PDE11A: variants seen among roughly 807,000 people sequenced by gnomAD.
PDE11A encodes the protein dual 3',5'-cyclic-AMP and -GMP phosphodiesterase 11A.
In PDE11A, 100 loss-of-function variants were observed where a neutral mutation model predicts 100.5. The ratio of observed to expected loss-of-function variants is 1.00; its 90% CI spans 0.85 to 1.18. The LOEUF (loss-of-function observed/expected upper bound fraction) is 1.18. Ranked by LOEUF, PDE11A falls within the 50% of genes most tolerant of loss-of-function variation. PDE11A has a pLI of 0.00. For missense variants in PDE11A, 1,141 were observed against 1,152.6 expected (o/e 0.99, Z 0.15); for synonymous variants, 381 against 420.8 (o/e 0.91, Z 1.16).
chr2:177,941,085 T>C (rs539966505), intron 2 of PDE11A, among the ~76,000 whole-genome samples: 1 of 152,342 alleles, frequency 6.6e-6, no homozygotes, highest in Admixed American at 6.5e-5. Flanking sequence ...TCAGCTTTCC[T>C]GCCAGCACTC....
At chr2:177,639,989 T>C (rs2080115332) in intron 19 of PDE11A, among the ~76,000 whole-genome samples, 1 of 152,180 alleles carries the variant, frequency 6.6e-6, no homozygotes, top group Non-Finnish European at 1.5e-5. Flanking sequence ...TATTCATTTA[T>C]TAAGAAAAAA....
At position 177,816,847 on chromosome 2, in the gene PDE11A, C is replaced by T. The variant is rs772166903; in HGVS notation, c.1719G>A (p.Lys573=). 6.3e-7 allele frequency: 1 copy of T among 1,597,348 alleles called. No homozygotes were observed. Among genetic ancestry groups the T allele is most frequent in the Non-Finnish European group, 8.6e-7 (1 of 1,164,842 alleles). Residue 573 remains lysine (K), a synonymous_variant, in exon 9 of 20, where the codon AAG becomes AAA. Transcript: ENST00000286063. ...MYDQVKKSWA[K]QSVALDVLSY... ...TACTTACATCAAGAGCCACAGACTG[C>T]TTGGCCCAGGACTTCTTCACTTGAT...
chr2:177,705,518 C>T (rs1433012242), intron 13 of PDE11A, among the ~76,000 whole-genome samples: 1 of 152,104 alleles, frequency 6.6e-6, no homozygotes, highest in Non-Finnish European at 1.5e-5. Flanking sequence ...ATAGGCAGCT[C>T]AATGAGGAGA....
intron 2 of PDE11A, among the ~76,000 whole-genome samples, chr2:178,087,975 G>T (rs773763256): frequency 3.5e-4 from 53 of 152,054 alleles, no homozygotes; most frequent in Non-Finnish European, 6.6e-4. Flanking sequence ...ATTCGAAAAT[G>T]AGAGACCTGG....
chr2:178,077,271 T>C (rs1217865491), upstream of PDE11A, among the ~76,000 whole-genome samples: 1 of 145,788 alleles, frequency 6.9e-6, no homozygotes. Context: ...TTTTTTTTTT[T>C]TTTTTTTTTT....
intron 2 of PDE11A, chr2:177,998,211 G>C: frequency 1.2e-6 from 1 of 836,264 alleles, no homozygotes; most frequent in Non-Finnish European, 2.1e-6. Flanking sequence ...TTCTTCATGA[G>C]TCACATCTTC....
intron 1 of PDE11A, among the ~76,000 whole-genome samples, chr2:178,104,825 T>C (rs751972068): frequency 2.2e-4 from 34 of 152,178 alleles, no homozygotes; most frequent in Non-Finnish European, 4.0e-4. Context: ...TTCTAAAAAG[T>C]GCATGTGCAA....
intron 9 of PDE11A, among the ~76,000 whole-genome samples, chr2:177,803,006 T>C (rs541882260): frequency 1.3e-4 from 20 of 151,980 alleles, no homozygotes; most frequent in African/African-American, 4.1e-4. Context: ...TTTTTTTATA[T>C]AGTAAGAAAT....
At chr2:177,645,818 G>A (rs2105452955) in intron 19 of PDE11A, among the ~76,000 whole-genome samples, 1 of 152,306 alleles carries the variant, frequency 6.6e-6, no homozygotes, top group Non-Finnish European at 1.5e-5. Context: ...TAGCATCAAT[G>A]TCTAATATCC....
intron 12 of PDE11A, among the ~76,000 whole-genome samples, chr2:177,719,491 T>C (rs867625080): frequency 3.3e-5 from 5 of 152,128 alleles, no homozygotes; most frequent in South Asian, 2.1e-4. Context: ...TTCCTCTTCT[T>C]CATCTTTCTC....
intron 6 of PDE11A, among the ~76,000 whole-genome samples, chr2:177,824,997 A>C (rs189359340): frequency 5.2e-4 from 79 of 152,314 alleles, no homozygotes; most frequent in African/African-American, 1.7e-3. Flanking sequence ...AAACACAGAT[A>C]ATTTGTCCAT....
chr2:177,850,047 A>T (rs1250409952), intron 5 of PDE11A, among the ~76,000 whole-genome samples: 1 of 152,204 alleles, frequency 6.6e-6, no homozygotes, highest in East Asian at 1.9e-4. Flanking sequence ...TAAAGTTCAT[A>T]TGGAACCAAA....
chr2:178,020,887 T>C (rs931172292), intron 1 of PDE11A, among the ~76,000 whole-genome samples: 17 of 141,812 alleles, frequency 1.2e-4, no homozygotes, highest in Non-Finnish European at 1.4e-4. Flanking sequence ...AGAAAGATTT[T>C]TTCTATTAAG....
intron 6 of PDE11A, among the ~76,000 whole-genome samples, chr2:177,838,838 AG>A (rs1282192939): frequency 3.3e-5 from 5 of 152,246 alleles, no homozygotes; most frequent in Non-Finnish European, 7.3e-5. Context: ...GGAGAACTGA[AG>A]AACTTTGAAC....
At chr2:177,911,980 G>C (rs1414356510) in intron 2 of PDE11A, among the ~76,000 whole-genome samples, 1 of 152,062 alleles carries the variant, frequency 6.6e-6, no homozygotes, top group Non-Finnish European at 1.5e-5. Flanking sequence ...ATAGGGTGGG[G>C]GACTTCATTC....
intron 15 of PDE11A, among the ~76,000 whole-genome samples, chr2:177,692,191 G>A (rs4893984): frequency 0.8 from 121,241 of 152,140 alleles, 48,475 homozygotes; most frequent in Admixed American, 0.85. Context: ...CACTCAAAAA[G>A]TATTAGTTGT....
chr2:177,810,854 G>A (rs2082939290), intron 9 of PDE11A, among the ~76,000 whole-genome samples: 2 of 152,104 alleles, frequency 1.3e-5, no homozygotes. Flanking sequence ...TAAGTAGGAT[G>A]GTTGCTGTCA....
chr2:177,652,219 T>C (rs1257753218), intron 19 of PDE11A, among the ~76,000 whole-genome samples: 1 of 152,158 alleles, frequency 6.6e-6, no homozygotes, highest in Non-Finnish European at 1.5e-5. Context: ...ACAGTGAATG[T>C]AAACAATTAA....
intron 14 of PDE11A, among the ~76,000 whole-genome samples, chr2:177,698,035 A>T (rs540311077): frequency 1.3e-5 from 2 of 152,334 alleles, no homozygotes; most frequent in Admixed American, 6.5e-5. Context: ...TACACATCCC[A>T]TGATGCACAG....
Sources: allele counts gnomAD v4.1 joint callset (sites outside exome capture counted in the v4.1 genomes callset), GRCh38; gene constraint gnomAD v4.1.1; transcripts MANE v1.5; gene names NCBI Gene and HGNC (gene_info 2026-07-23, HGNC 2026-07-21).